Variants in TMEM132D observed in about 807,000 individuals in gnomAD.
TMEM132D encodes transmembrane protein 132D, also known as mature OL transmembrane protein.
A neutral mutation model predicts 62.3 loss-of-function variants in TMEM132D; 21 were observed. The ratio of observed to expected loss-of-function variants is 0.34; its 90% CI spans 0.24 to 0.49. The LOEUF is 0.49. Ranked by LOEUF, TMEM132D falls within the 20% of genes least tolerant of loss-of-function variation. The probability of loss-of-function intolerance (pLI) is 0.99; values close to 1 mark genes in which losing one functional copy is unlikely to be tolerated. For missense variants in TMEM132D, 1,346 were observed against 1,402.8 expected, an observed-to-expected ratio of 0.96 and a Z score of 0.65; for synonymous variants, 621 against 575.6, an observed-to-expected ratio of 1.08 and a Z score of -1.13.
At chr12:129,854,043 G>A (rs1194083448) in intron 1 of TMEM132D, among the ~76,000 whole-genome samples, 1 of 152,104 alleles carries the variant, frequency 6.6e-6, no homozygotes, top group African/African-American at 2.4e-5. Flanking sequence ...TTCCTCTTTG[G>A]TAACTCGAGG....
At chr12:129,508,920 G>A (rs201865098) in intron 3 of TMEM132D, among the ~76,000 whole-genome samples, 1 of 31,720 alleles carries the variant, frequency 3.2e-5, no homozygotes, top group Non-Finnish European at 8.8e-5. Flanking sequence ...TTATCATTTT[G>A]CATGAGAAGC....
At chr12:129,466,242 A>G (rs1873889795) in intron 3 of TMEM132D, among the ~76,000 whole-genome samples, 1 of 149,802 alleles carries the variant, frequency 6.7e-6, no homozygotes, top group Admixed American at 6.6e-5. Context: ...TTGGTGTTAC[A>G]CGGAGAACTG....
At chr12:129,583,011 T>C (rs544802110) in intron 2 of TMEM132D, among the ~76,000 whole-genome samples, 1 of 152,218 alleles carries the variant, frequency 6.6e-6, no homozygotes, top group East Asian at 1.9e-4. Flanking sequence ...CTCACTGCAA[T>C]ATTGGCCAGA....
rs190383377 is a variant in TMEM132D, at chr12:129,136,715, C to T, written c.1444-52013G>A. ...TCAACATCACCATCATTAATATCAT[C>T]ATCCCCATCACCACCACCATTACCA... On this transcript the variant is annotated intron_variant, in intron 5 of 8. Coordinates refer to ENST00000422113, the MANE Select transcript of TMEM132D (RefSeq NM_133448.3). 6.2e-3 allele frequency among the ~76,000 whole-genome samples: 950 copies of T among 152,084 alleles called. 4 individuals are homozygous for T. Among genetic ancestry groups the T allele is most frequent in the South Asian group, 9.0e-3 (43 of 4,798 alleles).
At chr12:129,615,565 A>C (rs561661413) in intron 2 of TMEM132D, among the ~76,000 whole-genome samples, 1 of 149,776 alleles carries the variant, frequency 6.7e-6, no homozygotes, top group Admixed American at 6.7e-5. Flanking sequence ...AGCATGGGCA[A>C]TATAGTGAGA....
intron 3 of TMEM132D, among the ~76,000 whole-genome samples, chr12:129,465,523 G>C (rs1351471721): frequency 6.6e-6 from 1 of 152,180 alleles, no homozygotes; most frequent in Non-Finnish European, 1.5e-5. Context: ...GTTTGCAGAT[G>C]ACATGATTGT....
At chr12:129,559,549 G>A (rs571813447) in intron 2 of TMEM132D, among the ~76,000 whole-genome samples, 7 of 152,280 alleles carry the variant, frequency 4.6e-5, no homozygotes, top group South Asian at 2.1e-4. Context: ...AATATTTTAC[G>A]TGTGTGAGAG....
chr12:129,253,311 A>G lies in TMEM132D; in HGVS notation c.1300-43648T>C, dbSNP rs79590675. Among the ~76,000 whole-genome samples, 1,315 of 152,206 alleles carry G rather than the reference A, an allele frequency of 8.6e-3. 17 individuals carry two copies. The highest frequency in any genetic ancestry group is 0.03 in the African/African-American group (1,253 of 41,534). On this transcript the variant is annotated intron_variant, in intron 4 of 8. Coordinates refer to ENST00000422113, the MANE Select transcript of TMEM132D (RefSeq NM_133448.3). The stretch of plus-strand genomic sequence containing the variant: ...CAGAAAGCCTTGAATCATGTGGCCA[A>G]ATGACTGAGACAGTGGTCGTCCAGT...
At chr12:129,409,421 C>T (rs1871897527) in intron 3 of TMEM132D, among the ~76,000 whole-genome samples, 1 of 152,162 alleles carries the variant, frequency 6.6e-6, no homozygotes, top group Non-Finnish European at 1.5e-5. Flanking sequence ...AGAGGACAAG[C>T]CTCTGACGCA....
chr12:129,098,484 T>C (rs1296405562), intron 5 of TMEM132D, among the ~76,000 whole-genome samples: 6 of 152,228 alleles, frequency 3.9e-5, no homozygotes, highest in African/African-American at 1.4e-4. Context: ...CCTTTTTTTC[T>C]AGGGTCTCTA....
chr12:129,729,953 C>T (rs138667147), intron 1 of TMEM132D, among the ~76,000 whole-genome samples: 3 of 152,006 alleles, frequency 2.0e-5, no homozygotes, highest in Non-Finnish European at 4.4e-5. Context: ...TACTTTGTAA[C>T]GTCCATCCCC....
At position 129,859,282 on chromosome 12, in the gene TMEM132D, T is replaced by C. The variant is rs562783409; in HGVS notation, c.79+43979A>G. 9.2e-5 allele frequency among the ~76,000 whole-genome samples: 14 copies of C among 152,326 alleles called. No individual in the cohort carries two copies. In the South Asian group the frequency reaches 2.9e-3, roughly 32 times the overall value. ...CCCTGCTGTTTATAAGCCACCCATC[T>C]ATGGAATTTTATTAGGTTGGTGTAA... On this transcript the variant is annotated intron_variant, in intron 1 of 8. Coordinates refer to ENST00000422113, the MANE Select transcript of TMEM132D (RefSeq NM_133448.3).
In TMEM132D at chr12:129,537,158, T is replaced by TAAAGA. The variant is rs1555263500; in HGVS notation, c.969-5954_969-5953insTCTTT. On this transcript the variant is annotated intron_variant, in intron 2 of 8. Coordinates refer to ENST00000422113, the MANE Select transcript of TMEM132D (RefSeq NM_133448.3). ...CTGGGTGACAGAGTGAAACTCTGTC[T>TAAAGA]AAAAAAAAAAAAAAAATTCATATGC... 2.6e-5 allele frequency among the ~76,000 whole-genome samples: 3 copies of TAAAGA among 114,354 alleles called. 1 individual carries two copies. Among genetic ancestry groups the TAAAGA allele is most frequent in the African/African-American group, 1.0e-4 (3 of 29,664 alleles). The allele number at this position is 114,354 out of a possible 152,430, so 75.0% of individuals were successfully genotyped here.
At chr12:129,842,767 T>C (rs960663906) in intron 1 of TMEM132D, among the ~76,000 whole-genome samples, 2 of 152,180 alleles carry the variant, frequency 1.3e-5, no homozygotes, top group Non-Finnish European at 2.9e-5. Context: ...GATTCCTGCT[T>C]CCTGCTGGTG....
chr12:129,325,665 T>C (rs766649865), intron 4 of TMEM132D, among the ~76,000 whole-genome samples: 1 of 152,190 alleles, frequency 6.6e-6, no homozygotes, highest in African/African-American at 2.4e-5. Flanking sequence ...TTCTGGTAGT[T>C]GCTGACAAGA....
At chr12:129,124,107 G>GA (rs2135657319) in intron 5 of TMEM132D, among the ~76,000 whole-genome samples, 1 of 152,208 alleles carries the variant, frequency 6.6e-6, no homozygotes, top group South Asian at 2.1e-4. Context: ...GTAGCCTCAT[G>GA]GTGAGTTTTC....
rs1048915416 is a variant in TMEM132D, at chr12:129,161,015, G to T, written c.1443+48505C>A. ...TGCAAATACTATTTCGATGGATTCT[G>T]CCCAGAGCATACTATGCGCTAAAAA... On this transcript the variant is annotated intron_variant, in intron 5 of 8. Transcript: ENST00000422113. 2.0e-5 allele frequency among the ~76,000 whole-genome samples: 3 copies of T among 152,320 alleles called. No individual in the cohort carries two copies. In the South Asian group the frequency reaches 6.2e-4, roughly 32 times the overall value.
At chr12:129,302,060 A>C (rs1403729656) in intron 4 of TMEM132D, among the ~76,000 whole-genome samples, 2 of 152,140 alleles carry the variant, frequency 1.3e-5, no homozygotes, top group Admixed American at 6.5e-5. Flanking sequence ...TGGGCTCAAA[A>C]TCTTGAGAAG....
At chr12:129,571,433 G>T (rs916568118) in intron 2 of TMEM132D, among the ~76,000 whole-genome samples, 1 of 152,050 alleles carries the variant, frequency 6.6e-6, no homozygotes, top group East Asian at 1.9e-4. Flanking sequence ...TTAGCTAGCC[G>T]TGGTGGCGCA....
Sources: gnomAD v4.1 joint callset for allele counts (sites outside exome capture counted in the v4.1 genomes callset) on GRCh38, gnomAD v4.1.1 for gene constraint, MANE v1.5 for transcripts, NCBI Gene and HGNC (gene_info 2026-07-23, HGNC 2026-07-21) for gene names.